NRXN3: variants seen among roughly 807,000 people sequenced by gnomAD.
The protein encoded by NRXN3 is neurexin III.
In NRXN3, 32 loss-of-function variants were observed where a neutral mutation model predicts 137.6. The observed-to-expected ratio is 0.23, with a 90% confidence interval of 0.18 to 0.31. The LOEUF (loss-of-function observed/expected upper bound fraction) is 0.31. Ranked by LOEUF, NRXN3 falls within the 10% of genes least tolerant of loss-of-function variation. NRXN3 has a pLI of 1.00. For missense variants in NRXN3, 1,574 were observed against 2,062.5 expected, an observed-to-expected ratio of 0.76 and a Z score of 4.59; for synonymous variants, 798 against 784.5, an observed-to-expected ratio of 1.02 and a Z score of -0.29.
At chr14:79,047,869 A>C (rs1217223201) in intron 15 of NRXN3, among the ~76,000 whole-genome samples, 1 of 152,216 alleles carries the variant, frequency 6.6e-6, no homozygotes, top group Non-Finnish European at 1.5e-5. Flanking sequence ...GAAAAATTGC[A>C]GTTTTTAATA....
At chr14:78,454,235 T>A (rs986159568) in intron 4 of NRXN3, among the ~76,000 whole-genome samples, 1 of 152,122 alleles carries the variant, frequency 6.6e-6, no homozygotes, top group African/African-American at 2.4e-5. Flanking sequence ...GTATTTCATG[T>A]CTTTTTTCCC....
chr14:78,815,479 C>CTTTTTTTTTTTTTTTTTTTTTTTT (rs61411777), intron 10 of NRXN3, among the ~76,000 whole-genome samples: 12 of 84,452 alleles, frequency 1.4e-4, no homozygotes, highest in South Asian at 1.1e-3. Context: ...TTGTTTCTTT[C>CTTTTTTTTTTTTTTTTTTTTTTTT]TTTTTTTTTT....
intron 15 of NRXN3, among the ~76,000 whole-genome samples, chr14:79,316,761 T>G (rs942760370): frequency 6.6e-6 from 1 of 151,824 alleles, no homozygotes; most frequent in African/African-American, 2.4e-5. Context: ...TCTCTCTCTC[T>G]CTATTGAATT....
chr14:79,598,378 C>T (rs956605917), intron 16 of NRXN3, among the ~76,000 whole-genome samples: 1 of 152,146 alleles, frequency 6.6e-6, no homozygotes, highest in African/African-American at 2.4e-5. Flanking sequence ...CCTGAACATT[C>T]CTGACAGAAG....
intron 4 of NRXN3, among the ~76,000 whole-genome samples, chr14:78,637,112 T>A (rs902056503): frequency 1.3e-5 from 2 of 152,168 alleles, no homozygotes; most frequent in African/African-American, 2.4e-5. Flanking sequence ...ATTAGCTGAA[T>A]TTCTTCTCTG....
chr14:79,214,953 G>A (rs538891473), intron 15 of NRXN3, among the ~76,000 whole-genome samples: 2 of 152,172 alleles, frequency 1.3e-5, no homozygotes, highest in South Asian at 4.2e-4. Flanking sequence ...AAATTCAGGA[G>A]GCAGATAATG....
At chr14:79,089,797 G>C (rs887774234) in intron 15 of NRXN3, among the ~76,000 whole-genome samples, 4 of 152,048 alleles carry the variant, frequency 2.6e-5, no homozygotes, top group Admixed American at 2.0e-4. Flanking sequence ...GCATCATTCA[G>C]TGGACTTGAA....
chr14:78,589,788 C>T (rs967168331), intron 4 of NRXN3, among the ~76,000 whole-genome samples: 7 of 151,952 alleles, frequency 4.6e-5, no homozygotes, highest in East Asian at 1.9e-4. Flanking sequence ...GGCTGGATTC[C>T]GCAGGAGGGA....
rs146756135 is a variant in NRXN3 at position 78,709,826 on chromosome 14, G to A, written c.1660+171G>A. 1.8e-3 allele frequency: 1,155 copies of A among 624,474 alleles called. 13 individuals are homozygous for A. The East Asian group carries it at 0.019, about 10-fold the overall frequency. 38.7% of individuals were successfully genotyped at this position (624,474 alleles called of 1,614,324 possible). ...TTTCTGAAAAGATACCTGTCTCATA[G>A]ATGGCTCACATTCTCCGCTTATCTC... is the stretch of plus-strand genomic sequence containing the variant. On this transcript the variant is annotated intron_variant, in intron 7 of 20. Coordinates refer to ENST00000335750, the MANE Select transcript of NRXN3 (RefSeq NM_001330195.2).
At position 79,246,191 on chromosome 14, in the gene NRXN3, A is replaced by G. The variant is rs565380304; in HGVS notation, c.3263-221030A>G. 5.9e-5 allele frequency among the ~76,000 whole-genome samples: 9 copies of G among 152,280 alleles called. No homozygotes were observed. The South Asian group carries it at 1.4e-3, about 25-fold the overall frequency. On this transcript the variant is annotated intron_variant, in intron 15 of 20. Coordinates refer to ENST00000335750, the MANE Select transcript of NRXN3 (RefSeq NM_001330195.2). The stretch of plus-strand genomic sequence containing the variant: ...TCCCATGGCTGGAACAAAATAACCA[A>G]CTTTGCAAAGGGAGTTGAATTACTT...
intron 19 of NRXN3, among the ~76,000 whole-genome samples, chr14:79,791,832 G>A (rs1198346381): frequency 2.6e-5 from 4 of 152,108 alleles, no homozygotes; most frequent in African/African-American, 7.2e-5. Flanking sequence ...CTACCACATG[G>A]CCACTTTTAG....
chr14:79,525,627 T>C (rs2097111630), intron 16 of NRXN3, among the ~76,000 whole-genome samples: 1 of 152,254 alleles, frequency 6.6e-6, no homozygotes, highest in African/African-American at 2.4e-5. Flanking sequence ...CCTGGTCAGC[T>C]TGTAAGTGTT....
intron 6 of NRXN3, chr14:78,695,414 A>G (rs556319958): frequency 6.6e-6 from 1 of 152,044 alleles, no homozygotes; most frequent in Admixed American, 6.6e-5. Flanking sequence ...TTCTAAGAAC[A>G]TTGTTTGCTT....
At chr14:78,410,136 C>T (rs1054133797) in intron 4 of NRXN3, among the ~76,000 whole-genome samples, 1 of 152,190 alleles carries the variant, frequency 6.6e-6, no homozygotes, top group Admixed American at 6.5e-5. Flanking sequence ...AAGTTACCTG[C>T]CTGTTTCTAG....
chr14:78,677,048 G>T (rs1283982927), intron 6 of NRXN3, among the ~76,000 whole-genome samples: 2 of 152,082 alleles, frequency 1.3e-5, no homozygotes, highest in Non-Finnish European at 2.9e-5. Flanking sequence ...AAAGAGCTTT[G>T]ATAAAAATGT....
intron 4 of NRXN3, among the ~76,000 whole-genome samples, chr14:78,560,643 A>G (rs1301715576): frequency 6.6e-6 from 1 of 152,184 alleles, no homozygotes. Context: ...CCTCTCTTGA[A>G]TCATTCAGAA....
chr14:79,365,514 T>G (rs1419832661), intron 15 of NRXN3, among the ~76,000 whole-genome samples: 1 of 150,288 alleles, frequency 6.7e-6, no homozygotes, highest in Non-Finnish European at 1.5e-5. Context: ...GGTCAGGAGA[T>G]CGAGACCATC....
intron 8 of NRXN3, among the ~76,000 whole-genome samples, chr14:78,751,794 CAGCAGT>C (rs2098643755): frequency 6.6e-6 from 1 of 152,190 alleles, no homozygotes; most frequent in South Asian, 2.1e-4. Context: ...GCTGGAGGAG[CAGCAGT>C]AGCACCTGGG....
chr14:79,831,235 A>T (rs1037010904), intron 20 of NRXN3, among the ~76,000 whole-genome samples: 3 of 152,224 alleles, frequency 2.0e-5, no homozygotes, highest in African/African-American at 7.2e-5. Flanking sequence ...TCTGAAGCTT[A>T]ACAGAACTGC....
Sources: gnomAD v4.1 joint callset for allele counts (sites outside exome capture counted in the v4.1 genomes callset) on GRCh38, gnomAD v4.1.1 for gene constraint, MANE v1.5 for transcripts, NCBI Gene and HGNC (gene_info 2026-07-23, HGNC 2026-07-21) for gene names.